The following SHISAL1 variants were observed in gnomAD, a reference collection of about 807,000 sequenced individuals.
SHISAL1 encodes protein shisa-like-1.
In SHISAL1, 9 loss-of-function variants were observed where a neutral mutation model predicts 22.6. That is an observed-to-expected ratio of 0.40 (90% CI 0.24 to 0.70). The LOEUF (loss-of-function observed/expected upper bound fraction) is 0.70. Among genes scored for constraint, SHISAL1 ranks in the 30% least tolerant of loss-of-function variants. The probability of loss-of-function intolerance (pLI) is 0.39; values close to 1 mark genes in which losing one functional copy is unlikely to be tolerated. For missense variants in SHISAL1, 246 were observed against 270.6 expected (o/e 0.91, Z 0.64); for synonymous variants, 119 against 115.4 (o/e 1.03, Z -0.20).
At position 44,249,632 on chromosome 22, in the gene SHISAL1, A is replaced by C. The variant is rs1451141388; in HGVS notation, c.*53T>G. On this transcript the variant is annotated 3_prime_UTR_variant, in exon 5 of 5. Coordinates refer to ENST00000381176, the MANE Select transcript of SHISAL1 (RefSeq NM_001099294.2). ...AGAAGTTGTTCTTCTCGGAGGCTGC[A>C]CCGGGTGCTTCAGATCTCATCTCCC... The C allele has an allele frequency of 3.9e-6, 3 of 778,906 alleles. No individual in the cohort carries two copies. In the East Asian group the frequency reaches 7.3e-5, roughly 19 times the overall value. The allele number at this position is 778,906 out of a possible 1,614,324, so 48.2% of individuals were successfully genotyped here.
chr22:44,270,394 T>C (rs187294099), intron 4 of SHISAL1, among the ~76,000 whole-genome samples: 1 of 152,216 alleles, frequency 6.6e-6, no homozygotes, highest in East Asian at 1.9e-4. Context: ...ACGTGTCCCT[T>C]AGAAACATAA....
At chr22:44,263,196 G>A (rs143246487) in intron 4 of SHISAL1, among the ~76,000 whole-genome samples, 1,481 of 145,648 alleles carry the variant, frequency 0.01, 29 homozygotes, top group African/African-American at 0.036. Context: ...TCAGCCTCCC[G>A]AGTAGTTAGG....
chr22:44,266,442 TTGTGTGTGTGGGGCTG>T (rs1399807158), intron 4 of SHISAL1, among the ~76,000 whole-genome samples: 13 of 104,252 alleles, frequency 1.2e-4, no homozygotes, highest in African/African-American at 2.0e-4. Context: ...TGTTGGGGGG[TTGTGTGTGTGGGGCTG>T]TGTGTGTGTT....
Position 44,268,993 on chromosome 22 carries a change from G to T in SHISAL1, c.599+16435C>A, listed in dbSNP as rs531506365. Among the ~76,000 whole-genome samples, 4 of 152,056 alleles carry T rather than the reference G, an allele frequency of 2.6e-5. No homozygotes were observed. In the South Asian group the frequency reaches 8.3e-4, roughly 32 times the overall value. ...CTGTGCTTCCTTCATCCCGGGCTCC[G>T]ACCTGACCAGCTTCCATGCATTCTG... On this transcript the variant is annotated intron_variant, in intron 4 of 4. Transcript: ENST00000381176.
chr22:44,296,980 C>G, intron 2 of SHISAL1, 95 bp from the exon 3 acceptor site: 1 of 922,124 alleles, frequency 1.1e-6, no homozygotes, highest in Non-Finnish European at 1.7e-6. Context: ...CAGGTCCTGC[C>G]TGCTTCTTCC....
chr22:44,292,954 A>G (rs1281062274), intron 3 of SHISAL1, among the ~76,000 whole-genome samples: 1 of 152,224 alleles, frequency 6.6e-6, no homozygotes, highest in Non-Finnish European at 1.5e-5. Context: ...ATGCAGCCTC[A>G]AGCCATTTAA....
upstream of SHISAL1, among the ~76,000 whole-genome samples, chr22:44,314,450 TG>T (rs2055544518): frequency 6.6e-6 from 1 of 152,182 alleles, no homozygotes; most frequent in African/African-American, 2.4e-5. Context: ...GCACCAGATC[TG>T]GAACACCTAT....
At chr22:44,309,994 G>T (rs965809391) in intron 1 of SHISAL1, among the ~76,000 whole-genome samples, 1 of 152,218 alleles carries the variant, frequency 6.6e-6, no homozygotes, top group African/African-American at 2.4e-5. Context: ...TGCTGGCCAG[G>T]ACCGAGGCAG....
the SHISAL1 span, among the ~76,000 whole-genome samples, chr22:44,326,424 T>C: frequency 1.3e-5 from 2 of 152,146 alleles, no homozygotes; most frequent in African/African-American, 4.8e-5. Flanking sequence ...GCTGGGCATC[T>C]CTCTGAGGCT....
chr22:44,296,038 C>T (rs781432380), intron 3 of SHISAL1, among the ~76,000 whole-genome samples: 8 of 152,302 alleles, frequency 5.3e-5, no homozygotes, highest in South Asian at 2.1e-4. Flanking sequence ...TGAAGGAACC[C>T]GGTGGATTAC....
At chr22:44,295,659 T>C (rs2055380192) in intron 3 of SHISAL1, among the ~76,000 whole-genome samples, 1 of 152,198 alleles carries the variant, frequency 6.6e-6, no homozygotes. Flanking sequence ...CAACTCATCA[T>C]ATTTCCTTCA....
chr22:44,307,174 C>T (rs1001969250), intron 1 of SHISAL1, among the ~76,000 whole-genome samples: 2 of 152,146 alleles, frequency 1.3e-5, no homozygotes, highest in African/African-American at 2.4e-5. Flanking sequence ...GTGCTGCCTG[C>T]CACCTGGGGC....
chr22:44,323,492 GCATC>G, the SHISAL1 span, among the ~76,000 whole-genome samples: 1 of 68,820 alleles, frequency 1.5e-5, no homozygotes, highest in Non-Finnish European at 2.8e-5. Flanking sequence ...ATCCATCCAT[GCATC>G]CATCCATCAA....
chr22:44,300,494 T>C (rs4073203), intron 2 of SHISAL1, among the ~76,000 whole-genome samples: 86,834 of 152,124 alleles, frequency 0.57, 25,995 homozygotes, highest in African/African-American at 0.76. Context: ...TGCCTTGTCC[T>C]AGGCAAGTCA....
intron 3 of SHISAL1, among the ~76,000 whole-genome samples, chr22:44,287,965 G>A: frequency 6.6e-6 from 1 of 152,230 alleles, no homozygotes; most frequent in East Asian, 1.9e-4. Context: ...CAGGGCAGCT[G>A]TGTGCAGATG....
chr22:44,284,889 G>GCCTT (rs1156921536), intron 4 of SHISAL1, among the ~76,000 whole-genome samples: 2 of 75,854 alleles, frequency 2.6e-5, no homozygotes, highest in Non-Finnish European at 5.2e-5. Flanking sequence ...CCACCTCTCT[G>GCCTT]CCTTCCTGCC....
chr22:44,286,339 G>T (rs1287580272), intron 3 of SHISAL1, among the ~76,000 whole-genome samples: 1 of 152,162 alleles, frequency 6.6e-6, no homozygotes. Flanking sequence ...GGCTGTCCGG[G>T]CCCCATGACC....
intron 4 of SHISAL1, among the ~76,000 whole-genome samples, chr22:44,258,775 A>G (rs1346559552): frequency 2.0e-5 from 3 of 152,200 alleles, no homozygotes; most frequent in African/African-American, 7.2e-5. Context: ...TGTTGGGTCA[A>G]AGGTAAGAAA....
At chr22:44,322,288 T>C in the SHISAL1 span, among the ~76,000 whole-genome samples, 30,497 of 152,180 alleles carry the variant, frequency 0.2, 3,337 homozygotes, top group South Asian at 0.32. Flanking sequence ...CCCCATCAGG[T>C]TGGGGCTCCA....
Sources: allele counts gnomAD v4.1 joint callset (sites outside exome capture counted in the v4.1 genomes callset), GRCh38; gene constraint gnomAD v4.1.1; transcripts MANE v1.5; gene names NCBI Gene and HGNC (gene_info 2026-07-23, HGNC 2026-07-21).